The following VPS35 variants were observed in gnomAD, a reference collection of about 807,000 sequenced individuals.
The protein encoded by VPS35 is VPS35 retromer complex component, also known as vacuolar protein sorting-associated protein 35.
In VPS35, 21 loss-of-function variants were observed where a neutral mutation model predicts 98.1. The observed-to-expected ratio is 0.21, with a 90% CI of 0.15 to 0.31. VPS35 has a LOEUF of 0.31. Ranked by LOEUF, VPS35 falls within the 10% of genes least tolerant of loss-of-function variation. VPS35 has a pLI of 1.00. For synonymous variants in VPS35, 268 were observed against 318.2 expected, an observed-to-expected ratio of 0.84 and a Z score of 1.68; for missense variants, 554 against 950.8, an observed-to-expected ratio of 0.58 and a Z score of 5.49.
chr16:46,662,563 C>A, intron 14 of VPS35, 81 bp from the exon 15 acceptor site: 15 of 1,595,700 alleles, frequency 9.4e-6, no homozygotes, highest in Non-Finnish European at 1.3e-5. Flanking sequence ...TGTCACCAAA[C>A]CTCCATCCTG....
intron 6 of VPS35, among the ~76,000 whole-genome samples, chr16:46,677,940 T>A (rs753742606): frequency 3.9e-5 from 6 of 152,252 alleles, no homozygotes; most frequent in Non-Finnish European, 7.3e-5. Flanking sequence ...CTGTGTTTTT[T>A]CTATATGGTA....
chr16:46,683,467 C>A, intron 2 of VPS35, 41 bp downstream of exon 2: 1 of 1,578,982 alleles, frequency 6.3e-7, no homozygotes, highest in Non-Finnish European at 8.7e-7. Context: ...TCCTTAGGAA[C>A]ACACGAACTG....
chr16:46,688,108 A>G (rs1966350874), intron 1 of VPS35, among the ~76,000 whole-genome samples: 1 of 152,278 alleles, frequency 6.6e-6, no homozygotes, highest in Non-Finnish European at 1.5e-5. Flanking sequence ...AACACGTTAT[A>G]TGAAAATAGT....
chr16:46,665,419 A>C (rs1327905360), intron 13 of VPS35, among the ~76,000 whole-genome samples: 1 of 152,116 alleles, frequency 6.6e-6, no homozygotes, highest in African/African-American at 2.4e-5. Context: ...CAACATGGTG[A>C]GACTCTGTCT....
At chr16:46,675,302 T>C (rs1476786087) in intron 8 of VPS35, among the ~76,000 whole-genome samples, 2 of 152,138 alleles carry the variant, frequency 1.3e-5, no homozygotes, top group East Asian at 3.8e-4. Context: ...TAAAAGTACA[T>C]AGACTATTTT....
chr16:46,679,202 C>G (rs1290980413), intron 5 of VPS35, 46 bp from the exon 6 acceptor site: 1 of 1,479,810 alleles, frequency 6.8e-7, no homozygotes, highest in Non-Finnish European at 9.3e-7. Context: ...ACAGGACCAA[C>G]TTACTACTAT....
chr16:46,674,451 G>A lies in VPS35; in HGVS notation c.1023C>T (p.Asp341=). The A allele has an allele frequency of 1.2e-6, 2 of 1,612,764 alleles. No homozygotes were observed. Among genetic ancestry groups the A allele is most frequent in the Non-Finnish European group, 1.7e-6 (2 of 1,179,238 alleles). Residue 341 remains aspartate (D), a synonymous_variant, in exon 10 of 17, where the codon GAC becomes GAT. Coordinates refer to ENST00000299138, the MANE Select transcript of VPS35 (RefSeq NM_018206.6). The part of the protein sequence containing the change: ...QVATVIQSRQ[D]MPSEDVVSLQ... ...AAGATACAACATCCTCTGAAGGCAT[G>A]TCTTGTCTAGACTGGAATGTTTAGA...
At chr16:46,672,063 C>T (rs1966077847) in intron 11 of VPS35, among the ~76,000 whole-genome samples, 2 of 152,140 alleles carry the variant, frequency 1.3e-5, no homozygotes. Flanking sequence ...TGTTAATTAA[C>T]AGTGGTTATT....
chr16:46,676,799 A>T, intron 7 of VPS35, 107 bp from the exon 8 acceptor site: 1 of 792,662 alleles, frequency 1.3e-6, no homozygotes, highest in Non-Finnish European at 2.2e-6. Flanking sequence ...TTCTTATACA[A>T]CTAAATTCAA....
intron 2 of VPS35, 156 bp downstream of exon 2, chr16:46,683,352 G>A (rs1567269585): frequency 1.4e-6 from 1 of 713,698 alleles, no homozygotes; most frequent in East Asian, 2.7e-5. Context: ...TGTTGAAATT[G>A]CTCCACAAAG....
At chr16:46,688,648 C>T (rs1966362905) in intron 1 of VPS35, 1 of 1,022,168 alleles carries the variant, frequency 9.8e-7, no homozygotes, top group South Asian at 3.7e-5. Context: ...GCCAAGGAAT[C>T]ACTGCGACCC....
rs780126752 is a variant in VPS35, at chr16:46,658,141, A to AG, written c.*2330dup. 5.2e-5 allele frequency: 8 copies of AG among 152,604 alleles called. No individual in the cohort carries two copies. Among genetic ancestry groups the AG allele is most frequent in the Non-Finnish European group, 1.2e-4 (8 of 68,052 alleles). The allele number at this position is 152,604 out of a possible 1,614,324, so 9.5% of individuals were successfully genotyped here. A position where few individuals can be genotyped will look rare whatever the true frequency, so the allele number is the denominator to read the frequency against. On this transcript the variant is annotated 3_prime_UTR_variant, in exon 17 of 17. Coordinates refer to ENST00000299138, the MANE Select transcript of VPS35 (RefSeq NM_018206.6). ...TAACTTGCTTCAGCCCATGGGTCTG[A>AG]GGAGCCTGGGACTGCAGGCCAAAGC...
chr16:46,662,954 A>T (rs773836193), intron 14 of VPS35, 29 bp downstream of exon 14: 1 of 1,613,986 alleles, frequency 6.2e-7, no homozygotes, highest in African/African-American at 1.3e-5. Flanking sequence ...CAGAGCTGAC[A>T]TGACAACGCA....
rs1965908213 is a variant in VPS35, at chr16:46,661,075, A to G, written c.2212-424T>C. Reference sequence around the variant, plus strand: ...GGCATGAGAATTGCTTGAACCTGGGAGGCAGAGGTTGCAATGAGCTGAGAT... The same window carrying G: ...GGCATGAGAATTGCTTGAACCTGGGGGGCAGAGGTTGCAATGAGCTGAGAT... On this transcript the variant is annotated intron_variant, in intron 16 of 16. Transcript: ENST00000299138. The surrounding 1 kb of genome is among the most constrained non-coding windows in gnomAD (Gnocchi z 4.3). 2 of 307,092 alleles carry G rather than the reference A, an allele frequency of 6.5e-6. No homozygotes were observed. The highest frequency in any genetic ancestry group is 5.9e-5 in the South Asian group (2 of 33,976). The allele number at this position is 307,092 out of a possible 1,614,324, so 19.0% of individuals were successfully genotyped here.
In VPS35 at chr16:46,659,593, G is replaced by GA. The variant is rs1395610045; in HGVS notation, c.*878dup. The GA allele has an allele frequency of 6.6e-6, 1 of 151,832 alleles. No individual in the cohort carries two copies. Among genetic ancestry groups the GA allele is most frequent in the Non-Finnish European group, 1.5e-5 (1 of 68,010 alleles). 9.4% of individuals were successfully genotyped at this position (151,832 alleles called of 1,614,324 possible). A position where few individuals can be genotyped will look rare whatever the true frequency, so the allele number is the denominator to read the frequency against. On this transcript the variant is annotated 3_prime_UTR_variant, in exon 17 of 17. Transcript: ENST00000299138. The stretch of plus-strand genomic sequence containing the variant: ...TTAAGTGAGCTCTGTGAATATATGA[G>GA]AATGACTATTAAACTCTATAGCCAT...
chr16:46,657,689 A>C lies in VPS35; in HGVS notation c.*2783T>G. The C allele has an allele frequency of 6.6e-6, 1 of 152,184 alleles. No individual in the cohort carries two copies. Among genetic ancestry groups the C allele is most frequent in the East Asian group, 1.9e-4 (1 of 5,198 alleles). 9.4% of individuals were successfully genotyped at this position (152,184 alleles called of 1,614,324 possible). On this transcript the variant is annotated 3_prime_UTR_variant, in exon 17 of 17. Transcript: ENST00000299138. ...GAGTCAGAAACATGAATTTCTAGGCAAAGAAGGGATCATCTGGACTCTAAG... is the reference window on the plus strand; with the variant it reads ...GAGTCAGAAACATGAATTTCTAGGCCAAGAAGGGATCATCTGGACTCTAAG...
chr16:46,679,567 C>A (rs553824697), intron 5 of VPS35, among the ~76,000 whole-genome samples: 1 of 152,070 alleles, frequency 6.6e-6, no homozygotes, highest in Non-Finnish European at 1.5e-5. Context: ...TCCCCACAAA[C>A]CAAAAACAAA....
At chr16:46,667,178 T>A (rs76939327) in intron 13 of VPS35, among the ~76,000 whole-genome samples, 1 of 152,234 alleles carries the variant, frequency 6.6e-6, no homozygotes, top group Admixed American at 6.5e-5. Flanking sequence ...TGAGGTGACA[T>A]CTCATAGTGG....
intron 14 of VPS35, 24 bp downstream of exon 14, chr16:46,662,958 CA>C (rs750236573): frequency 6.2e-6 from 10 of 1,614,136 alleles, no homozygotes; most frequent in Non-Finnish European, 8.5e-6. Context: ...GCTGACATGA[CA>C]ACGCAGAAAG....
Sources: allele counts gnomAD v4.1 joint callset (sites outside exome capture counted in the v4.1 genomes callset), GRCh38; gene constraint gnomAD v4.1.1; non-coding constraint Gnocchi (gnomAD v3.1); transcripts MANE v1.5; gene names NCBI Gene and HGNC (gene_info 2026-07-23, HGNC 2026-07-21).